Variants in SUGCT observed in about 807,000 individuals in gnomAD.
SUGCT encodes succinyl-CoA:glutarate CoA-transferase.
A neutral mutation model predicts 55.0 loss-of-function variants in SUGCT; 41 were observed. The ratio of observed to expected loss-of-function variants is 0.74; its 90% confidence interval spans 0.58 to 0.97. SUGCT has a LOEUF of 0.97. Among genes scored for constraint, SUGCT ranks in the 50% least tolerant of loss-of-function variants. The pLI is 0.00. For synonymous variants in SUGCT, 187 were observed against 200.4 expected, an observed-to-expected ratio of 0.93 and a Z score of 0.56; for missense variants, 568 against 547.8, an observed-to-expected ratio of 1.04 and a Z score of -0.37.
At chr7:40,729,205 G>A (rs958370639) in intron 12 of SUGCT, among the ~76,000 whole-genome samples, 1 of 152,158 alleles carries the variant, frequency 6.6e-6, no homozygotes, top group African/African-American at 2.4e-5. Context: ...CCAAGTAGTG[G>A]ATAAGTACTC....
chr7:40,715,671 C>T (rs1350800586), intron 12 of SUGCT, among the ~76,000 whole-genome samples: 5 of 152,140 alleles, frequency 3.3e-5, no homozygotes, highest in Admixed American at 1.3e-4. Context: ...TTGCTGAGTC[C>T]GGATTCCACC....
At chr7:40,298,749 TG>T (rs1488687684) in intron 8 of SUGCT, among the ~76,000 whole-genome samples, 2 of 151,924 alleles carry the variant, frequency 1.3e-5, no homozygotes, top group Admixed American at 1.3e-4. Context: ...TTTTTTTTTT[TG>T]GGTCCAGGTT....
rs149161780 is a variant in SUGCT at position 40,273,093 on chromosome 7, A to G, written c.577-1420A>G. Among the ~76,000 whole-genome samples, 5 of 152,294 alleles carry G rather than the reference A, an allele frequency of 3.3e-5. No homozygotes were observed. The East Asian group carries it at 9.6e-4, about 29-fold the overall frequency. Reference sequence around the variant, plus strand: ...AAGACATTAAATAATTTTAAATTCTAATGACAAATTTAATTTTAAGTGTAT... The same window carrying G: ...AAGACATTAAATAATTTTAAATTCTGATGACAAATTTAATTTTAAGTGTAT... On this transcript the variant is annotated intron_variant, in intron 7 of 13. Coordinates refer to ENST00000335693, the MANE Select transcript of SUGCT (RefSeq NM_001193313.2).
At chr7:40,445,368 A>T (rs1385956082) in intron 9 of SUGCT, among the ~76,000 whole-genome samples, 1 of 152,182 alleles carries the variant, frequency 6.6e-6, no homozygotes, top group Admixed American at 6.5e-5. Flanking sequence ...TACTATAAAC[A>T]CCTGTATGCA....
chr7:40,187,743 G>C (rs1186348379), intron 3 of SUGCT, among the ~76,000 whole-genome samples: 1 of 152,174 alleles, frequency 6.6e-6, no homozygotes, highest in Non-Finnish European at 1.5e-5. Context: ...GAACTAGCCC[G>C]GCCAATATTG....
intron 1 of SUGCT, among the ~76,000 whole-genome samples, chr7:40,164,962 C>T (rs548138161): frequency 4.5e-4 from 69 of 152,292 alleles, no homozygotes; most frequent in Non-Finnish European, 7.2e-4. Flanking sequence ...CCCTCCACTC[C>T]TAAAATTTCC....
chr7:40,390,745 G>A (rs946859886), intron 9 of SUGCT, among the ~76,000 whole-genome samples: 5 of 152,056 alleles, frequency 3.3e-5, no homozygotes, highest in African/African-American at 1.2e-4. Flanking sequence ...TCCCCATCAA[G>A]CTACCAATGA....
At chr7:40,145,172 T>A (rs904350410) in intron 1 of SUGCT, among the ~76,000 whole-genome samples, 13 of 152,162 alleles carry the variant, frequency 8.5e-5, no homozygotes, top group East Asian at 1.9e-4. Flanking sequence ...AAACAAAAAA[T>A]TTTTTTAACC....
intron 11 of SUGCT, among the ~76,000 whole-genome samples, chr7:40,463,172 G>T (rs1789903346): frequency 6.6e-6 from 1 of 152,138 alleles, no homozygotes; most frequent in African/African-American, 2.4e-5. Context: ...TTCCTTGCCT[G>T]ATATTTTTAT....
the SUGCT span, among the ~76,000 whole-genome samples, chr7:40,973,743 A>G: frequency 1.3e-5 from 2 of 152,232 alleles, no homozygotes; most frequent in Non-Finnish European, 2.9e-5. Context: ...CTTCAGTTAA[A>G]TGAAACTACA....
intron 9 of SUGCT, among the ~76,000 whole-genome samples, chr7:40,386,099 A>G (rs1785112592): frequency 6.6e-6 from 1 of 152,214 alleles, no homozygotes; most frequent in Non-Finnish European, 1.5e-5. Flanking sequence ...TTTCGTCTTC[A>G]CTGTACTAGG....
chr7:40,153,723 T>G (rs1788704963), intron 1 of SUGCT: 1 of 484,046 alleles, frequency 2.1e-6, no homozygotes, highest in African/African-American at 2.0e-5. Context: ...TGGTTGTGAA[T>G]AGAGCAGCAA....
chr7:40,332,938 T>G (rs1216748427), intron 9 of SUGCT, among the ~76,000 whole-genome samples: 1 of 152,140 alleles, frequency 6.6e-6, no homozygotes, highest in Admixed American at 6.5e-5. Flanking sequence ...GGTGGTGTGT[T>G]GGGCATGGCA....
chr7:40,784,535 G>A (rs991896379), intron 13 of SUGCT, among the ~76,000 whole-genome samples: 1 of 152,106 alleles, frequency 6.6e-6, no homozygotes, highest in Non-Finnish European at 1.5e-5. Context: ...ATTAATACAC[G>A]TGAATTCTTG....
In SUGCT at chr7:40,286,791, C is replaced by T. The variant is rs578199927; in HGVS notation, c.720+12135C>T. ...ACCCTATGTCCTATAGTTAGTAGGT[C>T]CATTCAAAGTAAGGAATCAGTAACA... On this transcript the variant is annotated intron_variant, in intron 8 of 13. Coordinates refer to ENST00000335693, the MANE Select transcript of SUGCT (RefSeq NM_001193313.2). Among the ~76,000 whole-genome samples, 3 of 149,986 alleles carry T rather than the reference C, an allele frequency of 2.0e-5. No individual in the cohort carries two copies. The South Asian group carries it at 6.4e-4, about 32-fold the overall frequency.
chr7:40,990,993 T>G, the SUGCT span, among the ~76,000 whole-genome samples: 1 of 152,206 alleles, frequency 6.6e-6, no homozygotes, highest in Non-Finnish European at 1.5e-5. Context: ...TCATTTTGCT[T>G]TCTCATTCCT....
the SUGCT span, among the ~76,000 whole-genome samples, chr7:40,953,725 C>T: frequency 6.6e-6 from 1 of 152,178 alleles, no homozygotes; most frequent in Non-Finnish European, 1.5e-5. Flanking sequence ...CACTCCAGAC[C>T]CTGTTTGCCT....
intron 12 of SUGCT, among the ~76,000 whole-genome samples, chr7:40,547,095 T>C (rs946744604): frequency 1.3e-4 from 20 of 152,118 alleles, no homozygotes; most frequent in African/African-American, 4.6e-4. Context: ...AGTAATTGAA[T>C]CATGTGATCA....
chr7:40,385,119 A>T (rs1440889506), intron 9 of SUGCT, among the ~76,000 whole-genome samples: 2 of 152,238 alleles, frequency 1.3e-5, no homozygotes, highest in African/African-American at 4.8e-5. Context: ...TTATTCGTTC[A>T]TATTTTAATT....
Sources: gnomAD v4.1 joint callset for allele counts (sites outside exome capture counted in the v4.1 genomes callset) on GRCh38, gnomAD v4.1.1 for gene constraint, MANE v1.5 for transcripts, NCBI Gene and HGNC (gene_info 2026-07-23, HGNC 2026-07-21) for gene names.